Variants in CRADD observed in about 807,000 individuals in gnomAD.
CRADD encodes CARD and death domain containing adaptor protein.
A neutral mutation model predicts 15.5 loss-of-function variants in CRADD; 9 were observed. The observed-to-expected ratio is 0.58, with a 90% CI of 0.35 to 1.01. The LOEUF (loss-of-function observed/expected upper bound fraction) is 1.01, where lower values mean the gene tolerates loss of function less well. Among genes scored for constraint, CRADD ranks in the 50% least tolerant of loss-of-function variants. CRADD has a pLI of 0.02. For synonymous variants in CRADD, 118 were observed against 107.6 expected (o/e 1.10, Z -0.60); for missense variants, 227 against 250.3 (o/e 0.91, Z 0.63).
intron 2 of CRADD, among the ~76,000 whole-genome samples, chr12:93,856,396 A>G (rs1314674204): frequency 6.6e-6 from 1 of 152,224 alleles, no homozygotes; most frequent in Admixed American, 6.5e-5. Context: ...AAAGATGAAT[A>G]AGCCATAGTC....
chr12:93,733,802 T>A (rs1442717717), intron 2 of CRADD: 1 of 151,634 alleles, frequency 6.6e-6, no homozygotes, highest in Admixed American at 6.6e-5. Flanking sequence ...GCAGTGGTGA[T>A]CAAGGCCCAC....
In CRADD at chr12:93,787,320, T is replaced by G. The variant is rs1258043577; in HGVS notation, c.299-62650T>G. On this transcript the variant is annotated intron_variant, in intron 2 of 2. Coordinates refer to ENST00000332896, the MANE Select transcript of CRADD (RefSeq NM_003805.5). Reference sequence around the variant, plus strand: ...GTATGACAGGGTTTTTTTTTTTTTTTTTTTTTTTTTAATATCACATCAACT... The same window carrying G: ...GTATGACAGGGTTTTTTTTTTTTTTGTTTTTTTTTTAATATCACATCAACT... 6.3e-4 allele frequency among the ~76,000 whole-genome samples: 95 copies of G among 150,288 alleles called. 1 individual carries two copies. The highest frequency in any genetic ancestry group is 6.7e-4 in the Non-Finnish European group (45 of 67,560).
intron 2 of CRADD, among the ~76,000 whole-genome samples, chr12:93,795,400 T>G (rs886238125): frequency 9.8e-5 from 15 of 152,340 alleles, no homozygotes; most frequent in African/African-American, 3.1e-4. Flanking sequence ...TACTGCACTT[T>G]GGGCTCTTTG....
chr12:93,821,407 C>G (rs1206707475), intron 2 of CRADD, among the ~76,000 whole-genome samples: 4 of 152,194 alleles, frequency 2.6e-5, no homozygotes, highest in African/African-American at 7.2e-5. Context: ...GTCTCTAGGT[C>G]ATGTACTGGA....
intron 2 of CRADD, among the ~76,000 whole-genome samples, chr12:93,835,685 A>G (rs1274320466): frequency 1.3e-5 from 2 of 152,118 alleles, no homozygotes; most frequent in Non-Finnish European, 2.9e-5. Context: ...AGCCATGTTA[A>G]TTCTATTCCT....
intron 2 of CRADD, among the ~76,000 whole-genome samples, chr12:93,859,902 T>C (rs1958306157): frequency 6.6e-6 from 1 of 151,844 alleles, no homozygotes; most frequent in Non-Finnish European, 1.5e-5. Context: ...AATTTTTTTT[T>C]TTTTTTATAT....
At chr12:93,780,641 C>A (rs1348235798) in intron 2 of CRADD, among the ~76,000 whole-genome samples, 3 of 152,020 alleles carry the variant, frequency 2.0e-5, no homozygotes, top group Non-Finnish European at 2.9e-5. Context: ...CAAACACATG[C>A]CAGTAGATGT....
At chr12:93,834,525 G>C (rs937837636) in intron 2 of CRADD, among the ~76,000 whole-genome samples, 1 of 151,852 alleles carries the variant, frequency 6.6e-6, no homozygotes, top group East Asian at 1.9e-4. Context: ...TTTCGCTTTT[G>C]TTACCCAGGC....
chr12:93,885,124 T>C (rs532996032), intron 2 of CRADD, among the ~76,000 whole-genome samples: 3 of 152,260 alleles, frequency 2.0e-5, no homozygotes, highest in African/African-American at 7.2e-5. Context: ...GAAACTGAGA[T>C]GTGGAAAGGT....
chr12:93,806,974 A>C (rs1957546584), intron 2 of CRADD, among the ~76,000 whole-genome samples: 1 of 152,122 alleles, frequency 6.6e-6, no homozygotes, highest in Middle Eastern at 3.2e-3. Context: ...GGACTGGCCA[A>C]CCCTACTCTT....
chr12:93,712,626 C>G (rs928793416), intron 2 of CRADD, among the ~76,000 whole-genome samples: 1 of 152,088 alleles, frequency 6.6e-6, no homozygotes, highest in Non-Finnish European at 1.5e-5. Flanking sequence ...CTGAAAGAAC[C>G]CAGGGATAAT....
chr12:93,796,654 T>C (rs149068545), intron 2 of CRADD, among the ~76,000 whole-genome samples: 4 of 151,384 alleles, frequency 2.6e-5, no homozygotes, highest in Admixed American at 2.6e-4. Context: ...TAGTATTAAG[T>C]ATTTACTTTT....
At chr12:93,699,361 A>G (rs1955786553) in intron 2 of CRADD, among the ~76,000 whole-genome samples, 1 of 152,248 alleles carries the variant, frequency 6.6e-6, no homozygotes, top group Middle Eastern at 3.2e-3. Flanking sequence ...CCAAACAGAT[A>G]AAACCCTTTT....
chr12:93,864,688 C>T (rs11107225), intron 2 of CRADD, among the ~76,000 whole-genome samples: 26,903 of 151,992 alleles, frequency 0.18, 2,957 homozygotes, highest in Middle Eastern at 0.29. Flanking sequence ...GTCTGGCACA[C>T]GAAGTCATGA....
chr12:93,713,332 G>A (rs1181252147), intron 2 of CRADD, among the ~76,000 whole-genome samples: 2 of 152,170 alleles, frequency 1.3e-5, no homozygotes, highest in South Asian at 2.1e-4. Flanking sequence ...ATGGTTGCAC[G>A]TAGCTATGTG....
intron 2 of CRADD, among the ~76,000 whole-genome samples, chr12:93,862,865 A>G (rs141543842): frequency 6.6e-6 from 1 of 152,298 alleles, no homozygotes; most frequent in Non-Finnish European, 1.5e-5. Flanking sequence ...TTGGGGTGTA[A>G]TGGGAAAACT....
intron 2 of CRADD, among the ~76,000 whole-genome samples, chr12:93,840,270 C>T (rs1480572280): frequency 1.3e-5 from 2 of 152,180 alleles, no homozygotes; most frequent in Non-Finnish European, 2.9e-5. Context: ...AAATTTTCCC[C>T]ATGAAGGTCT....
rs1956657843 is a variant in CRADD, at chr12:93,741,013, T to C, written c.298+61941T>C. On this transcript the variant is annotated intron_variant, in intron 2 of 2. Transcript: ENST00000332896. Reference sequence around the variant, plus strand: ...CTTATAAACACTCAAAAATTATACTTGCTTTTCCTGAAGGCCAGCTATTAA... The same window carrying C: ...CTTATAAACACTCAAAAATTATACTCGCTTTTCCTGAAGGCCAGCTATTAA... Among the ~76,000 whole-genome samples the C allele has an allele frequency of 2.6e-5, 4 of 152,246 alleles. No homozygotes were observed. In the South Asian group the frequency reaches 8.3e-4, roughly 31 times the overall value.
intron 2 of CRADD, among the ~76,000 whole-genome samples, chr12:93,756,289 C>T (rs1435781799): frequency 6.6e-6 from 1 of 152,144 alleles, no homozygotes; most frequent in African/African-American, 2.4e-5. Flanking sequence ...TCAATAAATA[C>T]TTGTTAGTGA....
Sources: gnomAD v4.1 joint callset for allele counts (sites outside exome capture counted in the v4.1 genomes callset) on GRCh38, gnomAD v4.1.1 for gene constraint, MANE v1.5 for transcripts, NCBI Gene and HGNC (gene_info 2026-07-23, HGNC 2026-07-21) for gene names.